The following UTRN variants were observed in gnomAD, a reference collection of about 807,000 sequenced individuals.
The protein encoded by UTRN is dystrophin-related protein 1.
UTRN carries 283 observed loss-of-function variants against 463.9 expected under a neutral mutation model. The observed-to-expected ratio is 0.61, with a 90% CI of 0.55 to 0.67. UTRN has a LOEUF of 0.67. Ranked by LOEUF, UTRN falls within the 30% of genes least tolerant of loss-of-function variation. The pLI is 0.00. For missense variants in UTRN, 3,922 were observed against 4,084.3 expected (o/e 0.96, Z 1.08); for synonymous variants, 1,442 against 1,431.5 (o/e 1.01, Z -0.17).
At chr6:144,772,430 A>G (rs1165370080) in intron 59 of UTRN, among the ~76,000 whole-genome samples, 3 of 152,204 alleles carry the variant, frequency 2.0e-5, no homozygotes, top group African/African-American at 7.2e-5. Flanking sequence ...TTAAATTTCT[A>G]AGGGCAATGC....
chr6:144,333,721 A>C (rs143328111), intron 2 of UTRN, among the ~76,000 whole-genome samples: 2 of 152,340 alleles, frequency 1.3e-5, no homozygotes, highest in African/African-American at 4.8e-5. Flanking sequence ...GTGTTCATCA[A>C]CAACATGATG....
rs11443344 is a variant in UTRN at position 144,350,256 on chromosome 6, T to TAA, written c.80-52854_80-52853dup. Among the ~76,000 whole-genome samples the TAA allele has an allele frequency of 8.4e-3, 1,200 of 142,262 alleles. 15 individuals are homozygous for TAA. The highest frequency in any genetic ancestry group is 0.028 in the African/African-American group (1,108 of 39,490). The allele number at this position is 142,262 out of a possible 152,430, so 93.3% of individuals were successfully genotyped here. On this transcript the variant is annotated intron_variant, in intron 2 of 74. Transcript: ENST00000367545. ...TATCTTAAGTAATCAGACTGTTTTC[T>TAA]AAAAAAAAAAAAAATGTAATGCAAA...
Position 144,514,807 on chromosome 6 carries a change from T to A in UTRN, c.5231T>A (p.Ile1744Asn). The A allele has an allele frequency of 6.2e-7, 1 of 1,612,870 alleles. No homozygotes were observed. Among genetic ancestry groups the A allele is most frequent in the Non-Finnish European group, 8.5e-7 (1 of 1,179,702 alleles). Residue 1744 changes from isoleucine (I) to asparagine (N), a missense_variant, in exon 37 of 75, where the codon ATC (isoleucine) becomes AAC (asparagine). This residue lies in a region of UTRN where 2,349 missense variants were observed against 2,303.8 expected (regional missense o/e 1.02). Coordinates refer to ENST00000367545, the MANE Select transcript of UTRN (RefSeq NM_007124.3). ...NRNFEKVSQH[I>N]KSAKLLIAQE... ...AACTTTGAAAAGGTGTCTCAACATA[T>A]CAAAAGTGCCAAAGTGAGTAATTAT...
At chr6:144,794,680 G>A (rs1303521965) in intron 63 of UTRN, among the ~76,000 whole-genome samples, 2 of 152,136 alleles carry the variant, frequency 1.3e-5, no homozygotes, top group African/African-American at 4.8e-5. Context: ...TCAGGCTGCT[G>A]TAACAAAATA....
rs186586644 is a variant in UTRN at position 144,726,143 on chromosome 6, A to T, written c.7810-4214A>T. The stretch of plus-strand genomic sequence containing the variant: ...CCAGGAGACCTGACAATGATACATT[A>T]TAAAAAACAAAAATAAAAATCTGAC... On this transcript the variant is annotated intron_variant, in intron 53 of 74. Coordinates refer to ENST00000367545, the MANE Select transcript of UTRN (RefSeq NM_007124.3). Among the ~76,000 whole-genome samples, 29 of 152,324 alleles carry T rather than the reference A, an allele frequency of 1.9e-4. 1 individual carries two copies. Among genetic ancestry groups the T allele is most frequent in the Admixed American group, 1.8e-3 (28 of 15,302 alleles).
intron 17 of UTRN, among the ~76,000 whole-genome samples, chr6:144,450,222 A>G (rs1788125111): frequency 6.6e-6 from 1 of 152,186 alleles, no homozygotes; most frequent in Admixed American, 6.5e-5. Context: ...AGTTCCATGC[A>G]TAGAACTCTC....
intron 13 of UTRN, among the ~76,000 whole-genome samples, chr6:144,444,012 C>G (rs148662978): frequency 1.3e-5 from 2 of 152,044 alleles, no homozygotes; most frequent in African/African-American, 4.8e-5. Flanking sequence ...ATAGAAAGAG[C>G]AGGTTTGGAG....
chr6:144,662,335 AC>A (rs926632715), intron 51 of UTRN, among the ~76,000 whole-genome samples: 1 of 152,202 alleles, frequency 6.6e-6, no homozygotes, highest in African/African-American at 2.4e-5. Context: ...AATACAACTA[AC>A]CACCTTCCCC....
intron 52 of UTRN, among the ~76,000 whole-genome samples, chr6:144,690,598 C>T (rs576597294): frequency 6.6e-5 from 10 of 152,282 alleles, no homozygotes; most frequent in East Asian, 1.9e-4. Flanking sequence ...CATCTCTTAA[C>T]CTGCGACCCG....
At chr6:144,672,456 A>T (rs886779225) in intron 51 of UTRN, among the ~76,000 whole-genome samples, 1 of 151,984 alleles carries the variant, frequency 6.6e-6, no homozygotes, top group African/African-American at 2.4e-5. Context: ...AGGTGTTCAC[A>T]TTGTTCATGG....
chr6:144,538,998 A>G (rs1797775661), intron 44 of UTRN, among the ~76,000 whole-genome samples: 1 of 152,214 alleles, frequency 6.6e-6, no homozygotes, highest in Non-Finnish European at 1.5e-5. Flanking sequence ...GGAGGAGATA[A>G]GAACAGAATG....
rs375251416 is a variant in UTRN, at chr6:144,754,825, G to T, written c.8434+27G>T. 11 of 1,590,068 alleles carry T rather than the reference G, an allele frequency of 6.9e-6. No homozygotes were observed. The South Asian group carries it at 9.1e-5, about 13-fold the overall frequency. On this transcript the variant is annotated intron_variant, in intron 57 of 74. Transcript: ENST00000367545. ...TAAGTACTAATAAACTGGACTGATC[G>T]CATTAATTGAATGAATTAGCATTTT...
intron 51 of UTRN, among the ~76,000 whole-genome samples, chr6:144,672,762 C>G (rs117586784): frequency 0.58 from 88,230 of 151,064 alleles, 27,362 homozygotes; most frequent in East Asian, 0.86. Flanking sequence ...TGTGACCTTT[C>G]CTTGTCTGTT....
intron 23 of UTRN, among the ~76,000 whole-genome samples, chr6:144,465,243 A>T (rs939798086): frequency 9.9e-5 from 15 of 152,196 alleles, no homozygotes; most frequent in Admixed American, 9.8e-4. Context: ...GACTCTTAAA[A>T]GTATATCTTA....
intron 2 of UTRN, among the ~76,000 whole-genome samples, chr6:144,317,917 T>A (rs538785419): frequency 6.6e-6 from 1 of 152,374 alleles, no homozygotes; most frequent in Non-Finnish European, 1.5e-5. Flanking sequence ...CTTTCTGGGC[T>A]TTGTTCTGTC....
intron 51 of UTRN, among the ~76,000 whole-genome samples, chr6:144,606,450 T>C (rs537655235): frequency 6.6e-6 from 1 of 152,350 alleles, no homozygotes; most frequent in South Asian, 2.1e-4. Flanking sequence ...GTTTAAGTGC[T>C]ACACAATGTA....
intron 64 of UTRN, among the ~76,000 whole-genome samples, chr6:144,801,227 A>G (rs1025043613): frequency 1.3e-5 from 2 of 152,144 alleles, no homozygotes; most frequent in African/African-American, 2.4e-5. Flanking sequence ...AAATATGTCC[A>G]GACTTGATAC....
At chr6:144,421,131 C>T (rs928573872) in intron 3 of UTRN, among the ~76,000 whole-genome samples, 20 of 152,036 alleles carry the variant, frequency 1.3e-4, no homozygotes, top group East Asian at 3.9e-4. Flanking sequence ...CTCAGCCTCC[C>T]GAGTAGTTGG....
chr6:144,793,172 A>G (rs1186789379), intron 62 of UTRN, among the ~76,000 whole-genome samples: 1 of 152,198 alleles, frequency 6.6e-6, no homozygotes, highest in African/African-American at 2.4e-5. Context: ...TATAATATAT[A>G]TACATTTAGT....
Sources: allele counts gnomAD v4.1 joint callset (sites outside exome capture counted in the v4.1 genomes callset), GRCh38; gene constraint gnomAD v4.1.1; regional missense constraint gnomAD v4.1.1; transcripts MANE v1.5; gene names NCBI Gene and HGNC (gene_info 2026-07-23, HGNC 2026-07-21).